RALYL: variants seen among roughly 807,000 people sequenced by gnomAD.
The protein encoded by RALYL is RNA-binding Raly-like protein.
Under a neutral mutation model 35.1 loss-of-function variants are expected in RALYL, and 29 were observed. That is an observed-to-expected ratio of 0.83 (90% CI 0.61 to 1.13). The LOEUF is 1.13. Among genes scored for constraint, RALYL ranks in the 50% most tolerant of loss-of-function variants. The pLI, the probability that RALYL is intolerant of heterozygous loss-of-function variation, is 0.00. For missense variants in RALYL, 359 were observed against 360.4 expected (o/e 1.00, Z 0.03); for synonymous variants, 120 against 127.6 (o/e 0.94, Z 0.40).
chr8:84,735,831 A>G (rs916874068), intron 2 of RALYL, among the ~76,000 whole-genome samples: 1 of 151,668 alleles, frequency 6.6e-6, no homozygotes, highest in Non-Finnish European at 1.5e-5. Flanking sequence ...AGAGAGAGAG[A>G]GAGAGAGAGA....
chr8:84,675,648 G>A (rs1834047516), intron 2 of RALYL, among the ~76,000 whole-genome samples: 1 of 151,924 alleles, frequency 6.6e-6, no homozygotes, highest in South Asian at 2.1e-4. Flanking sequence ...GGCCAACTTT[G>A]TTTCTCTGTG....
intron 2 of RALYL, among the ~76,000 whole-genome samples, chr8:84,586,788 C>T (rs1017089698): frequency 6.6e-6 from 1 of 152,232 alleles, no homozygotes. Context: ...AGTCTCATGA[C>T]CCTAATAATA....
intron 2 of RALYL, among the ~76,000 whole-genome samples, chr8:84,750,211 T>C (rs1809625349): frequency 6.6e-6 from 1 of 152,182 alleles, no homozygotes; most frequent in African/African-American, 2.4e-5. Context: ...GACCAGTTTC[T>C]GATTAAAGAG....
At chr8:84,261,118 T>TTTA (rs57792988) in intron 1 of RALYL, among the ~76,000 whole-genome samples, 1 of 151,816 alleles carries the variant, frequency 6.6e-6, no homozygotes, top group African/African-American at 2.4e-5. Context: ...TTTTTTTTTT[T>TTTA]ATAATTTACT....
chr8:84,704,483 A>ACAC (rs1840820776), intron 2 of RALYL, among the ~76,000 whole-genome samples: 1 of 149,146 alleles, frequency 6.7e-6, no homozygotes, highest in Non-Finnish European at 1.5e-5. Context: ...ACACACACAC[A>ACAC]ACAACTCATT....
chr8:84,751,668 A>G (rs1810057534), intron 2 of RALYL, among the ~76,000 whole-genome samples: 1 of 152,074 alleles, frequency 6.6e-6, no homozygotes, highest in Non-Finnish European at 1.5e-5. Flanking sequence ...TTCTCATGAC[A>G]GAGTTCTTAC....
At chr8:84,603,405 C>T (rs1427919637) in intron 2 of RALYL, among the ~76,000 whole-genome samples, 1 of 151,766 alleles carries the variant, frequency 6.6e-6, no homozygotes, top group Non-Finnish European at 1.5e-5. Context: ...CTTTTAAATT[C>T]CTTTGGGATT....
chr8:84,333,118 G>GT (rs1847145435), intron 1 of RALYL, among the ~76,000 whole-genome samples: 1 of 152,072 alleles, frequency 6.6e-6, no homozygotes, highest in African/African-American at 2.4e-5. Flanking sequence ...TTTTGTTTTT[G>GT]TTTTTTATTT....
chr8:84,205,666 C>T (rs7841226), intron 1 of RALYL, among the ~76,000 whole-genome samples: 35,210 of 152,038 alleles, frequency 0.23, 4,183 homozygotes, highest in Non-Finnish European at 0.27. Flanking sequence ...GTGGGAAATC[C>T]ATGATGTCAA....
At chr8:84,415,003 G>A (rs1181404574) in intron 1 of RALYL, among the ~76,000 whole-genome samples, 1 of 152,042 alleles carries the variant, frequency 6.6e-6, no homozygotes, top group Non-Finnish European at 1.5e-5. Context: ...AATTTTTAAA[G>A]TCATAGGTCA....
intron 2 of RALYL, among the ~76,000 whole-genome samples, chr8:84,589,865 C>A (rs769562728): frequency 6.6e-6 from 1 of 152,166 alleles, no homozygotes; most frequent in African/African-American, 2.4e-5. Flanking sequence ...ATTTCTATAT[C>A]ATGTAGCTTG....
At chr8:84,512,830 T>C (rs987255001) in intron 1 of RALYL, among the ~76,000 whole-genome samples, 2 of 152,208 alleles carry the variant, frequency 1.3e-5, no homozygotes, top group Non-Finnish European at 2.9e-5. Context: ...GAAAGTCAAT[T>C]GGCTATAAAT....
At chr8:84,248,049 C>A (rs1295706501) in intron 1 of RALYL, among the ~76,000 whole-genome samples, 2 of 152,078 alleles carry the variant, frequency 1.3e-5, no homozygotes, top group Admixed American at 1.3e-4. Context: ...ATGATAATTA[C>A]AACAATAATA....
At chr8:84,280,864 GATA>G (rs1585896458) in intron 1 of RALYL, among the ~76,000 whole-genome samples, 3 of 151,976 alleles carry the variant, frequency 2.0e-5, no homozygotes, top group African/African-American at 7.2e-5. Context: ...TTGGGTAGGA[GATA>G]ATATTTTTTA....
chr8:84,289,133 A>G (rs919032162), intron 1 of RALYL, among the ~76,000 whole-genome samples: 1 of 152,124 alleles, frequency 6.6e-6, no homozygotes, highest in Non-Finnish European at 1.5e-5. Context: ...TAATTAAAGC[A>G]AGGCTCCAGC....
At chr8:84,890,282 AGGATGTTGTG>A (rs1185568566) in intron 8 of RALYL, among the ~76,000 whole-genome samples, 1 of 152,180 alleles carries the variant, frequency 6.6e-6, no homozygotes, top group African/African-American at 2.4e-5. Flanking sequence ...GATTAGTCTA[AGGATGTTGTG>A]GCAGGAGTTT....
At chr8:84,680,450 G>GT (rs889148121) in intron 2 of RALYL, among the ~76,000 whole-genome samples, 8 of 152,072 alleles carry the variant, frequency 5.3e-5, no homozygotes, top group African/African-American at 1.7e-4. Flanking sequence ...GATTGAACTA[G>GT]TTTACAGTCC....
intron 1 of RALYL, among the ~76,000 whole-genome samples, chr8:84,355,972 G>C (rs780287712): frequency 6.7e-6 from 1 of 149,936 alleles, no homozygotes; most frequent in African/African-American, 2.5e-5. Flanking sequence ...GGATTTCCCT[G>C]CCTGCTGTTC....
At chr8:84,539,886 A>ATGTGTGTGTG (rs371636213) in intron 2 of RALYL, among the ~76,000 whole-genome samples, 5 of 86,880 alleles carry the variant, frequency 5.8e-5, no homozygotes, top group African/African-American at 2.3e-4. Flanking sequence ...ATGTATATAT[A>ATGTGTGTGTG]TGTGTGTGTG....
Sources: gnomAD v4.1 joint callset for allele counts (sites outside exome capture counted in the v4.1 genomes callset) on GRCh38, gnomAD v4.1.1 for gene constraint, MANE v1.5 for transcripts, NCBI Gene and HGNC (gene_info 2026-07-23, HGNC 2026-07-21) for gene names.